Variants in BTBD10 observed in about 807,000 individuals in gnomAD.
BTBD10 encodes BTB/POZ domain-containing protein 10.
A neutral mutation model predicts 53.2 loss-of-function variants in BTBD10; 21 were observed. The observed-to-expected ratio is 0.39, with a 90% CI of 0.28 to 0.57. The LOEUF is 0.57. Ranked by LOEUF, BTBD10 falls within the 20% of genes least tolerant of loss-of-function variation. BTBD10 has a pLI of 0.53. For synonymous variants in BTBD10, 149 were observed against 192.7 expected, an observed-to-expected ratio of 0.77 and a Z score of 1.88; for missense variants, 360 against 594.7, an observed-to-expected ratio of 0.61 and a Z score of 4.10.
chr11:13,450,922 T>C (rs1283055861), intron 1 of BTBD10, among the ~76,000 whole-genome samples: 1 of 152,180 alleles, frequency 6.6e-6, no homozygotes, highest in Non-Finnish European at 1.5e-5. Context: ...CTTGAAAAAC[T>C]ACAACTAGAA....
At chr11:13,458,804 T>G (rs994171198) in intron 1 of BTBD10, among the ~76,000 whole-genome samples, 1 of 152,176 alleles carries the variant, frequency 6.6e-6, no homozygotes. Flanking sequence ...AAATTCTAAA[T>G]GAACAAATGA....
At chr11:13,414,340 A>G (rs1363084987) in intron 5 of BTBD10, among the ~76,000 whole-genome samples, 1 of 152,174 alleles carries the variant, frequency 6.6e-6, no homozygotes, top group Non-Finnish European at 1.5e-5. Flanking sequence ...CAGCTAAAAA[A>G]ACACTTTTTC....
Position 13,453,054 on chromosome 11 carries a change from T to C in BTBD10, c.-57-7873A>G, listed in dbSNP as rs555827748. Among the ~76,000 whole-genome samples, 81 of 152,278 alleles carry C rather than the reference T, an allele frequency of 5.3e-4. 2 individuals are homozygous for C. The highest frequency in any genetic ancestry group is 2.4e-4 in the Non-Finnish European group (16 of 68,006). ...AATGAATACATCTCCTTTCTCTCCC[T>C]GACATGATACACAGTATTATTTGTC... On this transcript the variant is annotated intron_variant, in intron 1 of 8. Transcript: ENST00000278174.
chr11:13,422,875 C>A (rs969851290), intron 2 of BTBD10, among the ~76,000 whole-genome samples: 1 of 152,112 alleles, frequency 6.6e-6, no homozygotes, highest in South Asian at 2.1e-4. Flanking sequence ...ATGCTAAATG[C>A]CAACAGAAAG....
chr11:13,423,186 C>T (rs530879746), intron 2 of BTBD10, among the ~76,000 whole-genome samples: 4 of 152,068 alleles, frequency 2.6e-5, no homozygotes, highest in South Asian at 2.1e-4. Context: ...TAAAGCCAGA[C>T]CTAAGGCAAT....
chr11:13,389,202 G>T, intron 8 of BTBD10, 61 bp from the exon 9 acceptor site: 2 of 1,414,120 alleles, frequency 1.4e-6, no homozygotes, highest in Non-Finnish European at 1.9e-6. Context: ...ACCCAATTTC[G>T]CCTTAGAAAG....
At chr11:13,431,031 CA>C (rs1327615939) in intron 2 of BTBD10, among the ~76,000 whole-genome samples, 1 of 149,904 alleles carries the variant, frequency 6.7e-6, no homozygotes, top group Non-Finnish European at 1.5e-5. Flanking sequence ...AATTGTACAC[CA>C]GAATTGACCT....
chr11:13,451,167 G>C (rs1005213243), intron 1 of BTBD10, among the ~76,000 whole-genome samples: 1 of 152,170 alleles, frequency 6.6e-6, no homozygotes, highest in Admixed American at 6.5e-5. Context: ...ACACATGTAC[G>C]GGAGGTAGGG....
At chr11:13,405,632 G>C in intron 7 of BTBD10, 27 bp downstream of exon 7, 1 of 1,609,830 alleles carries the variant, frequency 6.2e-7, no homozygotes, top group Non-Finnish European at 8.5e-7. Context: ...ATGATTCAGG[G>C]GAGAGAAAAC....
chr11:13,458,549 T>C (rs1338164549), intron 1 of BTBD10, among the ~76,000 whole-genome samples: 1 of 152,228 alleles, frequency 6.6e-6, no homozygotes, highest in African/African-American at 2.4e-5. Flanking sequence ...GCTGTCTTAC[T>C]GCCTGCCAAT....
intron 8 of BTBD10, among the ~76,000 whole-genome samples, chr11:13,401,957 A>G (rs1292396618): frequency 6.6e-6 from 1 of 152,094 alleles, no homozygotes; most frequent in African/African-American, 2.4e-5. Flanking sequence ...TGCACTTGCT[A>G]TTTTCTCCGT....
At chr11:13,414,872 A>G (rs1384757480) in intron 5 of BTBD10, among the ~76,000 whole-genome samples, 1 of 147,636 alleles carries the variant, frequency 6.8e-6, no homozygotes, top group Admixed American at 6.8e-5. Flanking sequence ...AAAAGAAAAG[A>G]CCTGTCTCAA....
At chr11:13,444,925 C>G in intron 2 of BTBD10, 99 bp downstream of exon 2, 1 of 764,106 alleles carries the variant, frequency 1.3e-6, no homozygotes, top group Non-Finnish European at 2.1e-6. Flanking sequence ...AAACAGCCCC[C>G]ATTCTCTGAC....
intron 1 of BTBD10, among the ~76,000 whole-genome samples, chr11:13,454,474 G>A (rs1383398278): frequency 3.9e-5 from 6 of 152,148 alleles, no homozygotes; most frequent in Non-Finnish European, 8.8e-5. Flanking sequence ...ATTTGTTACA[G>A]TTAAAACAAG....
chr11:13,437,795 T>C (rs555419142), intron 2 of BTBD10, among the ~76,000 whole-genome samples: 1 of 152,330 alleles, frequency 6.6e-6, no homozygotes, highest in Admixed American at 6.5e-5. Context: ...CAAAATCTCC[T>C]ACCTGCTTCA....
chr11:13,411,957 G>A (rs1949959738), intron 6 of BTBD10, among the ~76,000 whole-genome samples: 1 of 151,528 alleles, frequency 6.6e-6, no homozygotes, highest in Non-Finnish European at 1.5e-5. Flanking sequence ...TCAGCCTCCC[G>A]AGTAGCTGGA....
intron 5 of BTBD10, among the ~76,000 whole-genome samples, chr11:13,414,859 A>AG: frequency 6.7e-6 from 1 of 149,968 alleles, no homozygotes; most frequent in African/African-American, 2.4e-5. Flanking sequence ...AAAAAAAAAA[A>AG]AAAAAAGAAA....
chr11:13,419,687 G>T lies in BTBD10; in HGVS notation c.357C>A (p.Ser119=), dbSNP rs11558490. The change falls in exon 4 of 9, where the codon TCC becomes TCA. Residue 119 remains serine (S), a synonymous_variant. Coordinates refer to ENST00000278174, the MANE Select transcript of BTBD10 (RefSeq NM_032320.7). The part of the protein sequence containing the change: ...RPSSPRPQKA[S]PNGSISSAGN... The stretch of plus-strand genomic sequence containing the variant: ...CAGCACTGCTAATGGAACCATTTGG[G>T]GATGCTTTTTGAGGACGCGGACTGC... 2 of 1,613,658 alleles carry T rather than the reference G, an allele frequency of 1.2e-6. No individual in the cohort carries two copies. Among genetic ancestry groups the T allele is most frequent in the Non-Finnish European group, 1.7e-6 (2 of 1,179,826 alleles).
chr11:13,405,051 C>G (rs1365854488), intron 7 of BTBD10, among the ~76,000 whole-genome samples: 1 of 151,824 alleles, frequency 6.6e-6, no homozygotes, highest in African/African-American at 2.4e-5. Flanking sequence ...TAATATTGGG[C>G]TCATCAAGAA....
Sources: allele counts gnomAD v4.1 joint callset (sites outside exome capture counted in the v4.1 genomes callset), GRCh38; gene constraint gnomAD v4.1.1; transcripts MANE v1.5; gene names NCBI Gene and HGNC (gene_info 2026-07-23, HGNC 2026-07-21).